The following GDPD1 variants were observed in gnomAD, a reference collection of about 807,000 sequenced individuals.
GDPD1 encodes glycerophosphodiester phosphodiesterase domain containing 1, also known as lysophospholipase D GDPD1.
Under a neutral mutation model 45.1 loss-of-function variants are expected in GDPD1, and 28 were observed. That is an observed-to-expected ratio of 0.62 (90% CI 0.46 to 0.85). GDPD1 has a LOEUF of 0.85. Ranked by LOEUF, GDPD1 falls within the 40% of genes least tolerant of loss-of-function variation. The pLI, the probability that GDPD1 is intolerant of heterozygous loss-of-function variation, is 0.00. For synonymous variants in GDPD1, 139 were observed against 131.4 expected (o/e 1.06, Z -0.40); for missense variants, 256 against 364.8 (o/e 0.70, Z 2.43).
chr17:59,227,332 T>A (rs945758838), intron 1 of GDPD1, among the ~76,000 whole-genome samples: 4 of 151,652 alleles, frequency 2.6e-5, no homozygotes, highest in Non-Finnish European at 4.4e-5. Flanking sequence ...GGCAGGAGAA[T>A]CACTTGAACC....
chr17:59,226,546 A>C (rs2047048606), intron 1 of GDPD1, among the ~76,000 whole-genome samples: 1 of 152,194 alleles, frequency 6.6e-6, no homozygotes, highest in Non-Finnish European at 1.5e-5. Context: ...GTTGATTATT[A>C]ATTAGGTCAT....
At position 59,248,748 on chromosome 17, in the gene GDPD1, A is replaced by G; in HGVS notation, c.330A>G (p.Pro110=). The G allele has an allele frequency of 6.2e-7, 1 of 1,603,872 alleles. No individual in the cohort carries two copies. The highest frequency in any genetic ancestry group is 8.5e-7 in the Non-Finnish European group (1 of 1,174,676). ...NISDLKYCEL[P]PYLGKLDVSF... ...ATCATATCTTTTTAAAGGAGCTCCC[A>G]CCTTACCTTGGCAAACTGGATGTCT... Residue 110 remains proline (P), a synonymous_variant, in exon 4 of 10, where the codon CCA becomes CCG. Transcript: ENST00000284116.
chr17:59,242,810 G>C (rs2047184331), intron 2 of GDPD1, among the ~76,000 whole-genome samples: 1 of 152,172 alleles, frequency 6.6e-6, no homozygotes, highest in Admixed American at 6.6e-5. Flanking sequence ...CCACACATGA[G>C]CTGAAGAGGC....
chr17:59,255,789 G>GCA (rs2047296687), intron 4 of GDPD1, among the ~76,000 whole-genome samples: 1 of 38,844 alleles, frequency 2.6e-5, no homozygotes, highest in Non-Finnish European at 4.1e-5. Context: ...ATATATACGC[G>GCA]TATATATGTA....
Position 59,234,675 on chromosome 17 carries a change from CT to C in GDPD1, c.185+148del. ...AGTTGTTTCTATTTTGTTAAAATTT[CT>C]TTTTTTAATTAGTTGGTCAGAAGTG... On this transcript the variant is annotated intron_variant, in intron 2 of 9. Transcript: ENST00000284116. 3.4e-5 allele frequency: 22 copies of C among 639,086 alleles called. No individual in the cohort carries two copies. In the South Asian group the frequency reaches 4.1e-4, roughly 12 times the overall value. 39.6% of individuals were successfully genotyped at this position (639,086 alleles called of 1,614,324 possible).
intron 3 of GDPD1, among the ~76,000 whole-genome samples, chr17:59,246,507 G>A (rs1223655650): frequency 3.3e-5 from 5 of 151,418 alleles, no homozygotes; most frequent in African/African-American, 7.3e-5. Flanking sequence ...TCAGGAGTTC[G>A]GGACCGCCCT....
At chr17:59,224,633 AAAAAAAC>A (rs1158042748) in intron 1 of GDPD1, among the ~76,000 whole-genome samples, 15 of 148,618 alleles carry the variant, frequency 1.0e-4, no homozygotes, top group Non-Finnish European at 1.5e-4. Flanking sequence ...TCAAAAAAAA[AAAAAAAC>A]AAAAAACAAA....
chr17:59,266,715 A>G (rs1169484337), intron 6 of GDPD1, among the ~76,000 whole-genome samples: 1 of 152,122 alleles, frequency 6.6e-6, no homozygotes, highest in Non-Finnish European at 1.5e-5. Context: ...TCATCTTTTC[A>G]TTTTGTTCCA....
intron 1 of GDPD1, among the ~76,000 whole-genome samples, chr17:59,232,117 G>T (rs2147876991): frequency 6.6e-6 from 1 of 152,218 alleles, no homozygotes; most frequent in South Asian, 2.1e-4. Context: ...AGAAAAAAAT[G>T]ATGTCTGACC....
In GDPD1 at chr17:59,220,693, C is replaced by T. The variant is rs1301110823; in HGVS notation, c.84C>T (p.Thr28=). ...VTSFLLLKYP[T]LLHQRKKQRF... The stretch of plus-strand genomic sequence containing the variant: ...CATTCTTGTTGCTTAAATACCCGAC[C>T]TTGCTGCACCAGAGAAAGAAGCAGC... The change falls in exon 1 of 10, where the codon ACC becomes ACT. Residue 28 remains threonine (T), a synonymous_variant. Coordinates refer to ENST00000284116, the MANE Select transcript of GDPD1 (RefSeq NM_182569.4). 7 of 1,614,056 alleles carry T rather than the reference C, an allele frequency of 4.3e-6. No homozygotes were observed. Among genetic ancestry groups the T allele is most frequent in the East Asian group, 2.2e-5 (1 of 44,890 alleles).
chr17:59,264,567 C>G (rs2047384023), intron 6 of GDPD1, among the ~76,000 whole-genome samples: 1 of 152,076 alleles, frequency 6.6e-6, no homozygotes, highest in African/African-American at 2.4e-5. Context: ...GCTGGGATTA[C>G]AAGTGTGAGT....
At chr17:59,256,992 G>C (rs2047314173) in intron 4 of GDPD1, 130 bp from the exon 5 acceptor site, 1 of 456,400 alleles carries the variant, frequency 2.2e-6, no homozygotes, top group Non-Finnish European at 3.8e-6. Flanking sequence ...GGATTTACAT[G>C]ATTTTTTTCT....
intron 1 of GDPD1, among the ~76,000 whole-genome samples, chr17:59,228,456 C>T (rs2047064345): frequency 6.6e-6 from 1 of 152,040 alleles, no homozygotes; most frequent in South Asian, 2.1e-4. Context: ...TGATAAATGC[C>T]TTAGTAGAGC....
At chr17:59,268,592 A>AG (rs1555725445) in intron 7 of GDPD1, among the ~76,000 whole-genome samples, 3 of 146,568 alleles carry the variant, frequency 2.0e-5, no homozygotes, top group Non-Finnish European at 3.0e-5. Context: ...AAAAAAAAAA[A>AG]AAAAAAAAAA....
intron 1 of GDPD1, among the ~76,000 whole-genome samples, chr17:59,231,219 A>C (rs1461321061): frequency 1.3e-5 from 2 of 152,140 alleles, no homozygotes; most frequent in Non-Finnish European, 2.9e-5. Flanking sequence ...CATCAAAAAT[A>C]ATGTTTATGC....
chr17:59,250,124 T>A (rs555319845), intron 4 of GDPD1, among the ~76,000 whole-genome samples: 30 of 152,252 alleles, frequency 2.0e-4, no homozygotes, highest in African/African-American at 7.2e-4. Context: ...AAACCTCAGA[T>A]GTGTTTGATT....
chr17:59,268,494 G>A (rs1334323577), intron 7 of GDPD1, among the ~76,000 whole-genome samples: 1 of 149,610 alleles, frequency 6.7e-6, no homozygotes, highest in African/African-American at 2.5e-5. Flanking sequence ...CAGGAGAATG[G>A]CGTGAGCCTG....
At chr17:59,240,251 A>G (rs1024603118) in intron 2 of GDPD1, among the ~76,000 whole-genome samples, 5 of 151,820 alleles carry the variant, frequency 3.3e-5, no homozygotes, top group Non-Finnish European at 7.4e-5. Context: ...AGATCATGCC[A>G]CTGCACTCCA....
At chr17:59,265,667 G>T (rs908095108) in intron 6 of GDPD1, among the ~76,000 whole-genome samples, 1 of 151,952 alleles carries the variant, frequency 6.6e-6, no homozygotes, top group African/African-American at 2.4e-5. Context: ...AGAGGCTGAG[G>T]CAGGTGGATT....
Sources: allele counts gnomAD v4.1 joint callset (sites outside exome capture counted in the v4.1 genomes callset), GRCh38; gene constraint gnomAD v4.1.1; transcripts MANE v1.5; gene names NCBI Gene and HGNC (gene_info 2026-07-23, HGNC 2026-07-21).